DIP2C: variants seen among roughly 807,000 people sequenced by gnomAD.
The protein encoded by DIP2C is disco-interacting protein 2 homolog C.
DIP2C carries 33 observed loss-of-function variants against 192.4 expected under a neutral mutation model. The ratio of observed to expected loss-of-function variants is 0.17; its 90% CI spans 0.13 to 0.23. The LOEUF is 0.23. Among genes scored for constraint, DIP2C ranks in the 10% least tolerant of loss-of-function variants. DIP2C has a pLI of 1.00. For synonymous variants in DIP2C, 979 were observed against 864.1 expected, an observed-to-expected ratio of 1.13 and a Z score of -2.33; for missense variants, 1,537 against 2,110.1, an observed-to-expected ratio of 0.73 and a Z score of 5.32.
At position 652,417 on chromosome 10, in the gene DIP2C, T is replaced by G. The variant is rs1855990049; in HGVS notation, c.85+37077A>C. 6.3e-6 allele frequency: 1 copy of G among 157,830 alleles called. No individual in the cohort carries two copies. The highest frequency in any genetic ancestry group is 1.4e-5 in the Non-Finnish European group (1 of 70,974). The allele number at this position is 157,830 out of a possible 1,614,324, so 9.8% of individuals were successfully genotyped here. A position where few individuals can be genotyped will look rare whatever the true frequency, so the allele number is the denominator to read the frequency against. On this transcript the variant is annotated intron_variant, in intron 1 of 36. Coordinates refer to ENST00000280886, the MANE Select transcript of DIP2C (RefSeq NM_014974.3). This position sits in a 1 kb window ranked among gnomAD's most constrained non-coding sequence, Gnocchi z 4.5. Reference sequence around the variant, plus strand: ...GGCGCACTGTGCACCCTCCCAGCTCTCCTCCACCCCTTCCCTCAGGCTGGC... The same window carrying G: ...GGCGCACTGTGCACCCTCCCAGCTCGCCTCCACCCCTTCCCTCAGGCTGGC...
At chr10:639,568 C>T (rs1295757727) in intron 1 of DIP2C, among the ~76,000 whole-genome samples, 2 of 152,240 alleles carry the variant, frequency 1.3e-5, no homozygotes, top group Non-Finnish European at 2.9e-5. Flanking sequence ...TGAAGCCACG[C>T]TGGAAGCACT....
Position 477,939 on chromosome 10 carries a change from G to A in DIP2C, c.158-5390C>T, listed in dbSNP as rs1412890392. On this transcript the variant is annotated intron_variant, in intron 2 of 36. Coordinates refer to ENST00000280886, the MANE Select transcript of DIP2C (RefSeq NM_014974.3). Reference sequence around the variant, plus strand: ...AGACAGGAAAAGAGAGGGAAAGAAGGAAGGAAAAGAAGGAAAGAAAAGAGA... The same window carrying A: ...AGACAGGAAAAGAGAGGGAAAGAAGAAAGGAAAAGAAGGAAAGAAAAGAGA... Among the ~76,000 whole-genome samples the A allele has an allele frequency of 2.9e-4, 27 of 93,634 alleles. 1 individual carries two copies. The South Asian group carries it at 7.9e-3, about 27-fold the overall frequency. The allele number at this position is 93,634 out of a possible 152,430, so 61.4% of individuals were successfully genotyped here. A position where few individuals can be genotyped will look rare whatever the true frequency, so the allele number is the denominator to read the frequency against.
intron 29 of DIP2C, among the ~76,000 whole-genome samples, chr10:338,997 A>G (rs1958013378): frequency 6.7e-6 from 1 of 150,346 alleles, no homozygotes; most frequent in South Asian, 2.1e-4. Context: ...CCCTCTGTGG[A>G]CTCCCCTCCT....
intron 1 of DIP2C, among the ~76,000 whole-genome samples, chr10:606,588 G>T (rs982154252): frequency 6.6e-6 from 1 of 151,086 alleles, no homozygotes; most frequent in African/African-American, 2.4e-5. Context: ...CCCCGCTGCC[G>T]TAATTACCTG....
chr10:333,226 G>A (rs1373508782), intron 29 of DIP2C, among the ~76,000 whole-genome samples: 1 of 152,068 alleles, frequency 6.6e-6, no homozygotes, highest in Non-Finnish European at 1.5e-5. Context: ...ACACCCGTCG[G>A]CTTTATTTAG....
intron 1 of DIP2C, among the ~76,000 whole-genome samples, chr10:670,297 CACAT>C (rs1455162827): frequency 4.6e-5 from 7 of 152,290 alleles, no homozygotes; most frequent in African/African-American, 1.4e-4. Flanking sequence ...CACATGCACA[CACAT>C]ACGCACATAC....
chr10:347,368 T>C (rs1345443880), intron 26 of DIP2C, among the ~76,000 whole-genome samples: 211 of 96,074 alleles, frequency 2.2e-3, no homozygotes, highest in Middle Eastern at 0.018. Context: ...CCCAGACACA[T>C]CGCGCATAGT....
Position 274,258 on chromosome 10 carries a change from ATT to A in DIP2C, c.*3065_*3066del, listed in dbSNP as rs915133654. 2.6e-5 allele frequency: 4 copies of A among 152,232 alleles called. No homozygotes were observed. In the South Asian group the frequency reaches 8.3e-4, roughly 32 times the overall value. The allele number at this position is 152,232 out of a possible 1,614,324, so 9.4% of individuals were successfully genotyped here. On this transcript the variant is annotated 3_prime_UTR_variant, in exon 37 of 37. Coordinates refer to ENST00000280886, the MANE Select transcript of DIP2C (RefSeq NM_014974.3). ...AATTAAAAAAAACATTTCACAAAAC[ATT>A]TGTTGCCATAGGAATTATTTTTAGC...
chr10:662,969 A>G, intron 1 of DIP2C: 1 of 716,858 alleles, frequency 1.4e-6, no homozygotes, highest in South Asian at 1.5e-5. Context: ...TTAACAGAAC[A>G]TGCTGATTGG....
chr10:526,253 C>T (rs1847044010), intron 1 of DIP2C, among the ~76,000 whole-genome samples: 1 of 152,232 alleles, frequency 6.6e-6, no homozygotes, highest in African/African-American at 2.4e-5. Context: ...GTCCAAGTGG[C>T]TGTGGGCAGG....
At chr10:627,135 G>C (rs1854253529) in intron 1 of DIP2C, among the ~76,000 whole-genome samples, 2 of 152,252 alleles carry the variant, frequency 1.3e-5, no homozygotes, top group African/African-American at 4.8e-5. Context: ...CGCACACGCA[G>C]TGGCTCTGTA....
chr10:665,002 A>C (rs1424212235), intron 1 of DIP2C: 1 of 152,230 alleles, frequency 6.6e-6, no homozygotes, highest in Non-Finnish European at 1.5e-5. Context: ...ACTAGCAGAT[A>C]CCCAGGTCTG....
chr10:420,968 T>C (rs1966142459), intron 5 of DIP2C, among the ~76,000 whole-genome samples: 1 of 152,216 alleles, frequency 6.6e-6, no homozygotes, highest in African/African-American at 2.4e-5. Flanking sequence ...CACACGCTAC[T>C]TTCCTGTTTG....
intron 1 of DIP2C, among the ~76,000 whole-genome samples, chr10:536,301 C>G (rs1206171310): frequency 6.6e-6 from 1 of 152,252 alleles, no homozygotes; most frequent in African/African-American, 2.4e-5. Flanking sequence ...GACGTAGGAC[C>G]CACCCTATAT....
intron 1 of DIP2C, among the ~76,000 whole-genome samples, chr10:569,881 G>C (rs1050766036): frequency 4.6e-5 from 7 of 152,134 alleles, no homozygotes; most frequent in Non-Finnish European, 1.0e-4. Context: ...GAAGCCATCT[G>C]GGTTTACCTT....
At chr10:301,389 G>A (rs1956038524) in intron 32 of DIP2C, among the ~76,000 whole-genome samples, 1 of 152,236 alleles carries the variant, frequency 6.6e-6, no homozygotes, top group Non-Finnish European at 1.5e-5. Context: ...GCAGACGGTA[G>A]ATGGTTGGGG....
Position 274,453 on chromosome 10 carries a change from T to A in DIP2C, c.*2872A>T, listed in dbSNP as rs182066253. The A allele has an allele frequency of 1.3e-5, 2 of 152,310 alleles. No homozygotes were observed. The highest frequency in any genetic ancestry group is 2.9e-5 in the Non-Finnish European group (2 of 68,028). The allele number at this position is 152,310 out of a possible 1,614,324, so 9.4% of individuals were successfully genotyped here. Reference sequence around the variant, plus strand: ...CTTTCCAGGGGACCAATTAAGAAACTGCTATTTTCAGAGCAACAAAAATAA... The same window carrying A: ...CTTTCCAGGGGACCAATTAAGAAACAGCTATTTTCAGAGCAACAAAAATAA... On this transcript the variant is annotated 3_prime_UTR_variant, in exon 37 of 37. Transcript: ENST00000280886.
intron 4 of DIP2C, among the ~76,000 whole-genome samples, chr10:433,904 T>C (rs1034045085): frequency 1.3e-5 from 2 of 152,294 alleles, no homozygotes; most frequent in Non-Finnish European, 2.9e-5. Flanking sequence ...TGTCTTTTTT[T>C]TTCTTTCTTC....
intron 5 of DIP2C, 31 bp downstream of exon 5, chr10:422,793 G>A: frequency 6.3e-7 from 1 of 1,595,420 alleles, no homozygotes. Flanking sequence ...TTACACAACA[G>A]GCACAGAAAG....
Sources: allele counts gnomAD v4.1 joint callset (sites outside exome capture counted in the v4.1 genomes callset), GRCh38; gene constraint gnomAD v4.1.1; non-coding constraint Gnocchi (gnomAD v3.1); transcripts MANE v1.5; gene names NCBI Gene and HGNC (gene_info 2026-07-23, HGNC 2026-07-21).